The following CADM1 variants were observed in gnomAD, a reference collection of about 807,000 sequenced individuals.
CADM1 encodes cell adhesion molecule 1.
CADM1 carries 15 observed loss-of-function variants against 53.1 expected under a neutral mutation model. That is an observed-to-expected ratio of 0.28 (90% confidence interval 0.19 to 0.44). The LOEUF (loss-of-function observed/expected upper bound fraction) is 0.44, where lower values mean the gene tolerates loss of function less well. Among genes scored for constraint, CADM1 ranks in the 20% least tolerant of loss-of-function variants. CADM1 has a pLI of 1.00. For missense variants in CADM1, 434 were observed against 611.3 expected, an observed-to-expected ratio of 0.71 and a Z score of 3.06; for synonymous variants, 281 against 243.0, an observed-to-expected ratio of 1.16 and a Z score of -1.45.
At chr11:115,355,817 G>A (rs902174782) in intron 1 of CADM1, among the ~76,000 whole-genome samples, 4 of 151,940 alleles carry the variant, frequency 2.6e-5, no homozygotes, top group African/African-American at 9.7e-5. Context: ...TTTTCCTGAG[G>A]TAGGTTTTGT....
At chr11:115,490,392 A>ATTTTTTTTTTTTTTTTTTTTTTTTTTTT (rs35633504) in intron 1 of CADM1, among the ~76,000 whole-genome samples, 1 of 109,312 alleles carries the variant, frequency 9.1e-6, no homozygotes, top group Non-Finnish European at 1.8e-5. Flanking sequence ...GGAAGAACAG[A>ATTTTTTTTTTTTTTTTTTTTTTTTTTTT]TTTTTTTTTT....
At chr11:115,393,385 A>G (rs1036787886) in intron 1 of CADM1, among the ~76,000 whole-genome samples, 6 of 151,978 alleles carry the variant, frequency 3.9e-5, no homozygotes, top group Admixed American at 3.9e-4. Flanking sequence ...TTCTACCTTT[A>G]GAATTAGAAA....
chr11:115,223,560 TA>T (rs1355883227), intron 5 of CADM1, among the ~76,000 whole-genome samples: 1 of 152,110 alleles, frequency 6.6e-6, no homozygotes, highest in Non-Finnish European at 1.5e-5. Context: ...TGGTTCTTAG[TA>T]AAACAGGCCT....
At chr11:115,314,166 C>CG (rs5794968) in intron 1 of CADM1, among the ~76,000 whole-genome samples, 152,136 of 152,144 alleles carry the variant, frequency 1, 76,064 homozygotes, top group Middle Eastern at 1. Context: ...CCACTATGCT[C>CG]GTATTAGCAG....
intron 1 of CADM1, among the ~76,000 whole-genome samples, chr11:115,315,844 A>G (rs992683035): frequency 5.3e-5 from 8 of 152,156 alleles, no homozygotes; most frequent in Non-Finnish European, 1.0e-4. Context: ...TTTCTTTCCC[A>G]TTTTAGTTAT....
intron 1 of CADM1, 70 bp downstream of exon 1, chr11:115,504,201 C>T: frequency 6.5e-7 from 1 of 1,549,630 alleles, no homozygotes; most frequent in South Asian, 1.2e-5. Context: ...AACGTTTCCC[C>T]CCTCTGTGGC....
chr11:115,404,201 T>G (rs1947238461), intron 1 of CADM1, among the ~76,000 whole-genome samples: 1 of 148,942 alleles, frequency 6.7e-6, no homozygotes, highest in African/African-American at 2.5e-5. Context: ...TGATGCACAC[T>G]TGTACTCCCA....
chr11:115,459,025 A>G (rs1184166217), intron 1 of CADM1, among the ~76,000 whole-genome samples: 1 of 152,212 alleles, frequency 6.6e-6, no homozygotes, highest in African/African-American at 2.4e-5. Flanking sequence ...GCCAAAGAGC[A>G]ACATGTGCAT....
chr11:115,486,133 C>T (rs995438528), intron 1 of CADM1, among the ~76,000 whole-genome samples: 1 of 152,136 alleles, frequency 6.6e-6, no homozygotes, highest in African/African-American at 2.4e-5. Flanking sequence ...CTTCACTGCC[C>T]TAATTCAAGT....
intron 1 of CADM1, among the ~76,000 whole-genome samples, chr11:115,272,629 C>T (rs1351429179): frequency 6.6e-6 from 1 of 151,396 alleles, no homozygotes; most frequent in Non-Finnish European, 1.5e-5. Context: ...CCGTATTTTT[C>T]AGAAATATTG....
At chr11:115,205,952 C>A (rs925829051) in intron 8 of CADM1, among the ~76,000 whole-genome samples, 7 of 152,204 alleles carry the variant, frequency 4.6e-5, no homozygotes, top group African/African-American at 1.7e-4. Context: ...ATGTCCCAAT[C>A]AACGCACCCT....
chr11:115,345,276 C>G (rs1026653500), intron 1 of CADM1, among the ~76,000 whole-genome samples: 2 of 152,168 alleles, frequency 1.3e-5, no homozygotes, highest in African/African-American at 4.8e-5. Flanking sequence ...CAGAACTAAT[C>G]AAAAGAGCCC....
intron 1 of CADM1, among the ~76,000 whole-genome samples, chr11:115,257,597 T>C (rs146863892): frequency 2.6e-5 from 4 of 152,344 alleles, no homozygotes; most frequent in African/African-American, 9.6e-5. Flanking sequence ...AATGTTTATC[T>C]GTCAGAAAAT....
At chr11:115,316,026 A>G (rs1185026551) in intron 1 of CADM1, among the ~76,000 whole-genome samples, 1 of 152,158 alleles carries the variant, frequency 6.6e-6, no homozygotes, top group Non-Finnish European at 1.5e-5. Flanking sequence ...TCCTGCGAAG[A>G]GTCTCCAGAG....
intron 1 of CADM1, among the ~76,000 whole-genome samples, chr11:115,400,661 G>GTATATA (rs372594262): frequency 0.011 from 499 of 46,078 alleles, 9 homozygotes; most frequent in Non-Finnish European, 0.012. Context: ...GTGTGTGTGT[G>GTATATA]TATATATATA....
At chr11:115,442,199 C>G (rs1312498507) in intron 1 of CADM1, among the ~76,000 whole-genome samples, 4 of 151,488 alleles carry the variant, frequency 2.6e-5, no homozygotes, top group African/African-American at 9.7e-5. Context: ...CCCTGGGAAG[C>G]AAGGCAAGGG....
intron 9 of CADM1, among the ~76,000 whole-genome samples, chr11:115,196,717 G>A (rs1340748045): frequency 6.6e-6 from 1 of 151,888 alleles, no homozygotes; most frequent in Non-Finnish European, 1.5e-5. Flanking sequence ...ATAGGCTATG[G>A]GTTGGATGAG....
intron 9 of CADM1, among the ~76,000 whole-genome samples, chr11:115,197,345 T>C (rs1940206344): frequency 6.6e-6 from 1 of 152,230 alleles, no homozygotes; most frequent in Non-Finnish European, 1.5e-5. Flanking sequence ...GTCATTTAAA[T>C]GATAGATTTC....
rs1938931787 is a variant in CADM1, at chr11:115,174,548, A to C, written c.*1926T>G. 1 of 985,484 alleles carries C rather than the reference A, an allele frequency of 1.0e-6. No individual in the cohort carries two copies. Among genetic ancestry groups the C allele is most frequent in the African/African-American group, 1.7e-5 (1 of 57,214 alleles). The allele number at this position is 985,484 out of a possible 1,614,324, so 61.0% of individuals were successfully genotyped here. ...TTCTTTTACATACCAGTCCGTTCCC[A>C]AAAGGCCCCCATATTGCAATGGTTC... is the stretch of plus-strand genomic sequence containing the variant. On this transcript the variant is annotated 3_prime_UTR_variant, in exon 12 of 12. Coordinates refer to ENST00000331581, the MANE Select transcript of CADM1 (RefSeq NM_001301043.2).
Sources: gnomAD v4.1 joint callset for allele counts (sites outside exome capture counted in the v4.1 genomes callset) on GRCh38, gnomAD v4.1.1 for gene constraint, MANE v1.5 for transcripts, NCBI Gene and HGNC (gene_info 2026-07-23, HGNC 2026-07-21) for gene names.